The following TMEM120B variants were observed in gnomAD, a reference collection of about 807,000 sequenced individuals.
TMEM120B encodes transmembrane protein 120B.
Under a neutral mutation model 55.5 loss-of-function variants are expected in TMEM120B, and 31 were observed. That is an observed-to-expected ratio of 0.56 (90% CI 0.42 to 0.75). The LOEUF is 0.75. Ranked by LOEUF, TMEM120B falls within the 30% of genes least tolerant of loss-of-function variation. TMEM120B has a pLI of 0.00. For synonymous variants in TMEM120B, 203 were observed against 176.3 expected (o/e 1.15, Z -1.20); for missense variants, 399 against 425.5 (o/e 0.94, Z 0.55).
intron 1 of TMEM120B, among the ~76,000 whole-genome samples, chr12:121,738,858 G>T (rs1854586405): frequency 6.6e-6 from 1 of 152,126 alleles, no homozygotes; most frequent in Non-Finnish European, 1.5e-5. Flanking sequence ...CCCACTGGGG[G>T]ACATTCTTCC....
intron 4 of TMEM120B, among the ~76,000 whole-genome samples, chr12:121,751,264 A>C (rs1873313984): frequency 2.0e-5 from 1 of 49,560 alleles, no homozygotes; most frequent in Non-Finnish European, 3.8e-5. Context: ...AATACCCAAC[A>C]CCCCACACCC....
In TMEM120B at chr12:121,765,983, C is replaced by T. The variant is rs182562493; in HGVS notation, c.551+4245C>T. Among the ~76,000 whole-genome samples, 579 of 152,220 alleles carry T rather than the reference C, an allele frequency of 3.8e-3. 22 individuals are homozygous for T. The highest frequency in any genetic ancestry group is 7.9e-4 in the Non-Finnish European group (54 of 68,006). On this transcript the variant is annotated intron_variant, in intron 6 of 11. Transcript: ENST00000449592. ...CATCCACTCACTCGGGGCTGGTGCG[C>T]GCCGTCAACACCCCACAGTCTTTGC...
chr12:121,769,081 G>A (rs1873939380), intron 6 of TMEM120B, among the ~76,000 whole-genome samples: 1 of 151,360 alleles, frequency 6.6e-6, no homozygotes, highest in Non-Finnish European at 1.5e-5. Flanking sequence ...AGGAGGCGGA[G>A]GTTGTAGTGA....
At chr12:121,767,779 A>C (rs1165936972) in intron 6 of TMEM120B, among the ~76,000 whole-genome samples, 1 of 152,168 alleles carries the variant, frequency 6.6e-6, no homozygotes, top group Non-Finnish European at 1.5e-5. Flanking sequence ...ACCCGATGTC[A>C]CTGAGCTGTG....
Position 121,779,685 on chromosome 12 carries a change from A to G in TMEM120B, c.*3963A>G. On this transcript the variant is annotated 3_prime_UTR_variant, in exon 12 of 12. Coordinates refer to ENST00000449592, the MANE Select transcript of TMEM120B (RefSeq NM_001080825.2). ...GCCCTGGGTGGGGGGAGGAGCCAGC[A>G]TTAGGTGAGGGGCCCCTGGAGGTCT... 1.2e-6 allele frequency: 2 copies of G among 1,612,762 alleles called. No homozygotes were observed. Among genetic ancestry groups the G allele is most frequent in the Non-Finnish European group, 1.7e-6 (2 of 1,179,386 alleles).
chr12:121,713,612 G>A (rs1373549119), intron 1 of TMEM120B, among the ~76,000 whole-genome samples: 2 of 152,090 alleles, frequency 1.3e-5, no homozygotes, highest in Non-Finnish European at 2.9e-5. Context: ...CTTCTGGCCC[G>A]GAGCCTTACA....
intron 1 of TMEM120B, among the ~76,000 whole-genome samples, chr12:121,732,971 T>A (rs1254396971): frequency 1.4e-5 from 2 of 146,176 alleles, no homozygotes; most frequent in Non-Finnish European, 3.0e-5. Context: ...AGAGGGAGAC[T>A]CTGTCTCAAA....
intron 1 of TMEM120B, among the ~76,000 whole-genome samples, chr12:121,724,030 CT>C (rs56972824): frequency 0.02 from 1,514 of 75,892 alleles, 3 homozygotes; most frequent in Non-Finnish European, 0.029. Flanking sequence ...TCAAGTGATC[CT>C]TTTTTTTTTT....
chr12:121,781,348 G>A lies in TMEM120B; in HGVS notation c.*5626G>A. 1.5e-6 allele frequency: 1 copy of A among 650,804 alleles called. No individual in the cohort carries two copies. Among genetic ancestry groups the A allele is most frequent in the Admixed American group, 2.9e-5 (1 of 34,888 alleles). The allele number at this position is 650,804 out of a possible 1,614,324, so 40.3% of individuals were successfully genotyped here. On this transcript the variant is annotated 3_prime_UTR_variant, in exon 12 of 12. Transcript: ENST00000449592. ...AAGCCAGGAGTGCTGGCACAGGCCTGTGGTCGCAGCTACTCGGGAGGCTGA... is the reference window on the plus strand; with the variant it reads ...AAGCCAGGAGTGCTGGCACAGGCCTATGGTCGCAGCTACTCGGGAGGCTGA...
chr12:121,739,621 C>T (rs1176972002), intron 1 of TMEM120B, among the ~76,000 whole-genome samples: 7 of 151,762 alleles, frequency 4.6e-5, no homozygotes, highest in Admixed American at 3.3e-4. Context: ...TACAGGCGCC[C>T]GCCACCACAC....
At chr12:121,748,269 T>C in intron 2 of TMEM120B, 57 bp from the exon 3 acceptor site, 2 of 1,394,914 alleles carry the variant, frequency 1.4e-6, no homozygotes, top group East Asian at 2.3e-5. Flanking sequence ...GGGGAGTCCA[T>C]AGCCCTCCTC....
chr12:121,752,864 G>C (rs1330371614), intron 5 of TMEM120B, among the ~76,000 whole-genome samples: 1 of 152,158 alleles, frequency 6.6e-6, no homozygotes, highest in African/African-American at 2.4e-5. Flanking sequence ...ACAGTACTTT[G>C]GGAGGCAGGA....
chr12:121,771,407 GGTTGGAATGGA>G, intron 7 of TMEM120B, 70 bp from the exon 8 acceptor site: 1 of 1,251,046 alleles, frequency 8.0e-7, no homozygotes, highest in Non-Finnish European at 1.2e-6. Flanking sequence ...CGCCTCTTCT[GGTTGGAATGGA>G]GTTGGGGCGG....
chr12:121,724,030 C>CT (rs56972824), intron 1 of TMEM120B, among the ~76,000 whole-genome samples: 25,946 of 75,428 alleles, frequency 0.34, 5,956 homozygotes, highest in Non-Finnish European at 0.4. Flanking sequence ...TCAAGTGATC[C>CT]TTTTTTTTTT....
chr12:121,775,675 G>A lies in TMEM120B; in HGVS notation c.973G>A (p.Val325Met), dbSNP rs766304573. ...CAACTTCCTGACCACGCTCAAAGTC[G>A]TGCATGCCAAGCTCCAGAAGAACAG... ...LGNFLTTLKVVHAKLQKNRGK... is the reference protein window; with the variant it reads ...LGNFLTTLKVMHAKLQKNRGK... The change falls in exon 12 of 12, where the codon GTG becomes ATG. Residue 325 changes from valine to methionine, a missense_variant. Around this residue, in one of 3 missense-constraint regions of TMEM120B, gnomAD observed 260 missense variants for 303.9 expected, o/e 0.86. Transcript: ENST00000449592. This position sits in a 1 kb window ranked among gnomAD's most constrained non-coding sequence, Gnocchi z 4.3. The A allele has an allele frequency of 8.1e-6, 13 of 1,614,046 alleles. No homozygotes were observed. The highest frequency in any genetic ancestry group is 1.7e-5 in the Admixed American group (1 of 60,016).
intron 9 of TMEM120B, among the ~76,000 whole-genome samples, chr12:121,773,750 T>C (rs1416616108): frequency 7.9e-6 from 1 of 126,592 alleles, no homozygotes; most frequent in Non-Finnish European, 1.6e-5. Context: ...GTCTATTTTT[T>C]TGTGTGTGTT....
rs570334011 is a variant in TMEM120B, at chr12:121,725,882, C to A, written c.69+12918C>A. Among the ~76,000 whole-genome samples the A allele has an allele frequency of 1.3e-4, 20 of 151,910 alleles. No homozygotes were observed. The South Asian group carries it at 2.3e-3, about 17-fold the overall frequency. Reference sequence around the variant, plus strand: ...TGAAACCGCATCTCTACTATAAATACAAGAATTAGCCGGGTGTGGTGATGC... The same window carrying A: ...TGAAACCGCATCTCTACTATAAATAAAAGAATTAGCCGGGTGTGGTGATGC... On this transcript the variant is annotated intron_variant, in intron 1 of 11. Transcript: ENST00000449592.
intron 1 of TMEM120B, among the ~76,000 whole-genome samples, chr12:121,724,831 C>T (rs1219203257): frequency 2.0e-5 from 3 of 151,676 alleles, no homozygotes; most frequent in Admixed American, 1.3e-4. Flanking sequence ...AGGATGGTCT[C>T]GATCTCCTGA....
At chr12:121,728,204 C>T (rs567245091) in intron 1 of TMEM120B, among the ~76,000 whole-genome samples, 68 of 151,712 alleles carry the variant, frequency 4.5e-4, no homozygotes, top group African/African-American at 1.6e-3. Flanking sequence ...GAATGGGTTT[C>T]ACAGGCCGGG....
Sources: gnomAD v4.1 joint callset for allele counts (sites outside exome capture counted in the v4.1 genomes callset) on GRCh38, gnomAD v4.1.1 for gene constraint, gnomAD v4.1.1 regional missense constraint, Gnocchi (gnomAD v3.1) non-coding constraint, MANE v1.5 for transcripts, NCBI Gene and HGNC (gene_info 2026-07-23, HGNC 2026-07-21) for gene names.